The following TDP1 variants were observed in gnomAD, a reference collection of about 807,000 sequenced individuals.
TDP1 encodes tyrosyl-DNA phosphodiesterase 1.
In TDP1, 64 loss-of-function variants were observed where a neutral mutation model predicts 81.5. The observed-to-expected ratio is 0.79, with a 90% CI of 0.64 to 0.97. The LOEUF is 0.97. Among genes scored for constraint, TDP1 ranks in the 50% least tolerant of loss-of-function variants. The pLI, the probability that TDP1 is intolerant of heterozygous loss-of-function variation, is 0.00. For synonymous variants in TDP1, 256 were observed against 264.3 expected, an observed-to-expected ratio of 0.97 and a Z score of 0.30; for missense variants, 723 against 743.8, an observed-to-expected ratio of 0.97 and a Z score of 0.33.
In TDP1 at chr14:89,988,985, G is replaced by T. The variant is rs1452120576; in HGVS notation, c.1212G>T (p.Leu404Phe). The T allele has an allele frequency of 1.2e-6, 2 of 1,614,000 alleles. No individual in the cohort carries two copies. Among genetic ancestry groups the T allele is most frequent in the Non-Finnish European group, 1.7e-6 (2 of 1,179,850 alleles). The part of the protein sequence containing the change: ...VVGQFSSVGS[L>F]GADESKWLCS... ...GTCAGTTTTCAAGCGTTGGCTCCTT[G>T]GGAGCCGATGAATCAAAGTGGTTAT... Residue 404 changes from leucine (L) to phenylalanine (F), a missense_variant, in exon 11 of 17, where the codon TTG becomes TTT. Coordinates refer to ENST00000335725, the MANE Select transcript of TDP1 (RefSeq NM_018319.4).
intron 2 of TDP1, among the ~76,000 whole-genome samples, chr14:89,960,447 AC>A (rs1362131814): frequency 6.6e-6 from 1 of 152,172 alleles, no homozygotes; most frequent in Non-Finnish European, 1.5e-5. Context: ...TAGTTTCTTA[AC>A]CCTTAGCAGA....
chr14:89,966,665 A>G (rs17126508), intron 4 of TDP1, among the ~76,000 whole-genome samples: 15,333 of 152,178 alleles, frequency 0.1, 2,013 homozygotes, highest in African/African-American at 0.3. Flanking sequence ...GTCCAGACCC[A>G]CAAGTAAGTG....
chr14:89,975,528 A>T (rs1894183632), intron 6 of TDP1: 2 of 942,402 alleles, frequency 2.1e-6, no homozygotes, highest in Non-Finnish European at 2.5e-6. Context: ...ACTGTAATTA[A>T]AAATGTAGTA....
chr14:90,002,035 T>A (rs972725095), intron 14 of TDP1, among the ~76,000 whole-genome samples: 1 of 152,132 alleles, frequency 6.6e-6, no homozygotes, highest in African/African-American at 2.4e-5. Context: ...AAAAATTATT[T>A]GAATCAGTAC....
At chr14:89,967,443 G>A (rs770040808) in intron 5 of TDP1, 21 bp downstream of exon 5, 1 of 1,607,102 alleles carries the variant, frequency 6.2e-7, no homozygotes, top group East Asian at 2.2e-5. Flanking sequence ...CAGGGTGACA[G>A]ACAACACTAT....
At chr14:89,956,419 TG>T (rs1473918384) in intron 1 of TDP1, 158 bp from the exon 2 acceptor site, 2 of 152,280 alleles carry the variant, frequency 1.3e-5, no homozygotes, top group Non-Finnish European at 2.9e-5. Context: ...AGTTTACACT[TG>T]GTGAGGCGCT....
chr14:90,036,807 C>T (rs1005116553), intron 16 of TDP1, among the ~76,000 whole-genome samples: 3 of 141,448 alleles, frequency 2.1e-5, no homozygotes, highest in African/African-American at 9.5e-5. Context: ...AAGCCCCTCC[C>T]CCGCCCCTTA....
At chr14:89,992,044 C>A (rs1357684226) in intron 13 of TDP1, 61 bp downstream of exon 13, 5 of 1,409,280 alleles carry the variant, frequency 3.5e-6, no homozygotes, top group African/African-American at 3.1e-5. Flanking sequence ...TTATTTATGT[C>A]ACTGGTTTGT....
At position 89,956,556 on chromosome 14, in the gene TDP1, GTCTTC is replaced by G. The variant is rs1891665431; in HGVS notation, c.-230-21_-230-17del. 1 of 152,320 alleles carries G rather than the reference GTCTTC, an allele frequency of 6.6e-6. No homozygotes were observed. The highest frequency in any genetic ancestry group is 1.5e-5 in the Non-Finnish European group (1 of 68,186). The allele number at this position is 152,320 out of a possible 1,614,324, so 9.4% of individuals were successfully genotyped here. ...CAGCAAGAGCCCTCTCACTTCCTTT[GTCTTC>G]AACCCATTCTCCGCAGAGTTGGAGC... On this transcript the variant is annotated splice_polypyrimidine_tract_variant and intron_variant, in intron 1 of 16. Coordinates refer to ENST00000335725, the MANE Select transcript of TDP1 (RefSeq NM_018319.4).
chr14:89,984,954 T>G (rs997378207), intron 9 of TDP1, 178 bp from the exon 10 acceptor site: 1 of 968,490 alleles, frequency 1.0e-6, no homozygotes, highest in African/African-American at 1.8e-5. Flanking sequence ...TTACATCTTG[T>G]AGGCATTCCA....
At chr14:89,966,068 T>C (rs1892906875) in intron 3 of TDP1, 79 bp from the exon 4 acceptor site, 8 of 1,035,472 alleles carry the variant, frequency 7.7e-6, no homozygotes, top group Admixed American at 1.8e-5. Context: ...TGTCAGTGAC[T>C]GTTGAATGAG....
chr14:90,030,931 A>ATT (rs375942904), intron 15 of TDP1, among the ~76,000 whole-genome samples: 5 of 146,174 alleles, frequency 3.4e-5, no homozygotes, highest in South Asian at 2.2e-4. Context: ...ACTCCAGTTA[A>ATT]TTTTTTTTTT....
chr14:90,038,623 A>G (rs1453924401), intron 16 of TDP1, among the ~76,000 whole-genome samples: 4 of 152,184 alleles, frequency 2.6e-5, no homozygotes, highest in African/African-American at 9.7e-5. Flanking sequence ...AGATCACTTG[A>G]GGTCAGGAAT....
chr14:90,036,154 T>C (rs1270113731), intron 16 of TDP1, among the ~76,000 whole-genome samples: 1 of 152,078 alleles, frequency 6.6e-6, no homozygotes, highest in Non-Finnish European at 1.5e-5. Context: ...TAAGCTAAAA[T>C]AATAATAATA....
intron 12 of TDP1, 28 bp downstream of exon 12, chr14:89,989,793 G>C: frequency 6.4e-7 from 1 of 1,558,940 alleles, no homozygotes; most frequent in Non-Finnish European, 8.8e-7. Context: ...TGTCTTGATT[G>C]TGTTTTATGT....
intron 12 of TDP1, 53 bp downstream of exon 12, chr14:89,989,818 T>C: frequency 7.1e-7 from 1 of 1,398,742 alleles, no homozygotes; most frequent in South Asian, 1.2e-5. Context: ...TTCATGAATG[T>C]CCTGGTAAAG....
chr14:89,975,911 C>T, intron 7 of TDP1, 96 bp downstream of exon 7: 1 of 945,686 alleles, frequency 1.1e-6, no homozygotes, highest in Non-Finnish European at 1.8e-6. Flanking sequence ...GTAGGCCCAC[C>T]TAGGATCTAG....
At chr14:89,972,580 A>G (rs183877784) in intron 6 of TDP1, among the ~76,000 whole-genome samples, 2 of 152,234 alleles carry the variant, frequency 1.3e-5, no homozygotes, top group African/African-American at 4.8e-5. Flanking sequence ...TTGGACTTTC[A>G]TTAGGATCCA....
rs1244215942 is a variant in TDP1, at chr14:89,993,214, C to T, written c.1434-162C>T. 12 of 916,316 alleles carry T rather than the reference C, an allele frequency of 1.3e-5. No individual in the cohort carries two copies. In the Admixed American group the frequency reaches 3.7e-4, roughly 28 times the overall value. 56.8% of individuals were successfully genotyped at this position (916,316 alleles called of 1,614,324 possible). A position where few individuals can be genotyped will look rare whatever the true frequency, so the allele number is the denominator to read the frequency against. On this transcript the variant is annotated intron_variant, in intron 13 of 16. Transcript: ENST00000335725. ...AGTTTATAATTCTAAAATGGGCATG[C>T]GTTACTTGAATGGAGTTTCATAAAA... is the stretch of plus-strand genomic sequence containing the variant.
Sources: gnomAD v4.1 joint callset for allele counts (sites outside exome capture counted in the v4.1 genomes callset) on GRCh38, gnomAD v4.1.1 for gene constraint, MANE v1.5 for transcripts, NCBI Gene and HGNC (gene_info 2026-07-23, HGNC 2026-07-21) for gene names.